ZNRF3: variants seen among roughly 807,000 people sequenced by gnomAD.
ZNRF3 encodes E3 ubiquitin-protein ligase ZNRF3.
ZNRF3 carries 23 observed loss-of-function variants against 72.5 expected under a neutral mutation model. That is an observed-to-expected ratio of 0.32 (90% CI 0.23 to 0.45). The LOEUF (loss-of-function observed/expected upper bound fraction) is 0.45. Among genes scored for constraint, ZNRF3 ranks in the 20% least tolerant of loss-of-function variants. The pLI is 1.00. For missense variants in ZNRF3, 1,169 were observed against 1,272.1 expected (o/e 0.92, Z 1.23); for synonymous variants, 610 against 545.3 (o/e 1.12, Z -1.65).
chr22:29,007,911 C>T (rs1390691784), intron 2 of ZNRF3, among the ~76,000 whole-genome samples: 1 of 151,900 alleles, frequency 6.6e-6, no homozygotes, highest in Non-Finnish European at 1.5e-5. Flanking sequence ...CGTGCACAAC[C>T]ATGCCTGGCT....
intron 2 of ZNRF3, among the ~76,000 whole-genome samples, chr22:29,007,453 A>T (rs935502584): frequency 6.6e-6 from 1 of 151,990 alleles, no homozygotes; most frequent in African/African-American, 2.4e-5. Context: ...CCTGGGAAAC[A>T]TGGCGAGACC....
At chr22:29,052,314 CTT>C (rs2037220966) in intron 8 of ZNRF3, among the ~76,000 whole-genome samples, 1 of 152,244 alleles carries the variant, frequency 6.6e-6, no homozygotes, top group South Asian at 2.1e-4. Flanking sequence ...TTCTATTCCA[CTT>C]GGAACCAGAG....
At position 29,055,486 on chromosome 22, in the gene ZNRF3, G is replaced by A. The variant is rs568854667; in HGVS notation, c.*1864G>A. 1 of 152,324 alleles carries A rather than the reference G, an allele frequency of 6.6e-6. No individual in the cohort carries two copies. Among genetic ancestry groups the A allele is most frequent in the South Asian group, 2.1e-4 (1 of 4,828 alleles). 9.4% of individuals were successfully genotyped at this position (152,324 alleles called of 1,614,324 possible). A position where few individuals can be genotyped will look rare whatever the true frequency, so the allele number is the denominator to read the frequency against. ...AGGAAATTTACTTATCTCTAGCTAG[G>A]ATTTGACAAATTCCAACATCAAATG... On this transcript the variant is annotated 3_prime_UTR_variant, in exon 9 of 9. Transcript: ENST00000544604.
intron 1 of ZNRF3, among the ~76,000 whole-genome samples, chr22:28,966,722 G>A (rs898630092): frequency 2.6e-5 from 4 of 152,008 alleles, no homozygotes; most frequent in Admixed American, 2.6e-4. Flanking sequence ...TCTTATTAGA[G>A]TGTTATTACA....
intron 2 of ZNRF3, among the ~76,000 whole-genome samples, chr22:29,008,275 C>A (rs1197711410): frequency 1.3e-5 from 2 of 152,182 alleles, no homozygotes; most frequent in Non-Finnish European, 2.9e-5. Flanking sequence ...CACAACCACA[C>A]ATTTCAGAGC....
At chr22:28,996,098 A>G (rs1268559667) in intron 2 of ZNRF3, among the ~76,000 whole-genome samples, 1 of 151,564 alleles carries the variant, frequency 6.6e-6, no homozygotes, top group Non-Finnish European at 1.5e-5. Context: ...ATGTAATATT[A>G]TTTTGAAATT....
chr22:28,977,577 T>TA (rs1025366538), intron 1 of ZNRF3, among the ~76,000 whole-genome samples: 1 of 152,206 alleles, frequency 6.6e-6, no homozygotes, highest in Non-Finnish European at 1.5e-5. Context: ...AGCGACACCC[T>TA]ACCCTGGCCG....
At chr22:29,014,564 G>A (rs953685314) in intron 2 of ZNRF3, among the ~76,000 whole-genome samples, 1 of 152,216 alleles carries the variant, frequency 6.6e-6, no homozygotes, top group Non-Finnish European at 1.5e-5. Flanking sequence ...TAGCCTGGAT[G>A]CAGTGAGCTT....
chr22:28,885,351 A>C (rs1345259416), intron 1 of ZNRF3, among the ~76,000 whole-genome samples: 1 of 152,158 alleles, frequency 6.6e-6, no homozygotes, highest in Non-Finnish European at 1.5e-5. Context: ...TCTTATCCCC[A>C]TCCGAAAACT....
At position 29,048,094 on chromosome 22, in the gene ZNRF3, G is replaced by A. The variant is rs1003291570; in HGVS notation, c.913-295G>A. On this transcript the variant is annotated intron_variant, in intron 6 of 8. Transcript: ENST00000544604. The surrounding 1 kb of genome is among the most constrained non-coding windows in gnomAD (Gnocchi z 4.9). ...CAGGAGGACTCGGCCCTCCCTGGGT[G>A]GAGGCATGAGTGTGTTTGCCCTCCT... Among the ~76,000 whole-genome samples the A allele has an allele frequency of 1.3e-5, 2 of 152,158 alleles. No homozygotes were observed. Among genetic ancestry groups the A allele is most frequent in the Non-Finnish European group, 2.9e-5 (2 of 68,028 alleles).
intron 1 of ZNRF3, among the ~76,000 whole-genome samples, chr22:28,966,716 A>G (rs2035469172): frequency 1.3e-5 from 2 of 152,134 alleles, no homozygotes; most frequent in African/African-American, 4.8e-5. Context: ...TGTGTTTCTT[A>G]TTAGAGTGTT....
At chr22:28,994,186 T>C (rs2036007890) in intron 2 of ZNRF3, among the ~76,000 whole-genome samples, 2 of 107,076 alleles carry the variant, frequency 1.9e-5, no homozygotes, top group South Asian at 7.2e-4. Context: ...CTTTTTTTTT[T>C]TTTTTTTTTT....
chr22:28,953,695 A>G (rs2035206441), intron 1 of ZNRF3, among the ~76,000 whole-genome samples: 1 of 152,260 alleles, frequency 6.6e-6, no homozygotes, highest in Admixed American at 6.5e-5. Flanking sequence ...CCAGTTAGGC[A>G]TCAATCATTA....
At position 29,030,524 on chromosome 22, in the gene ZNRF3, G is replaced by A. The variant is rs944952983; in HGVS notation, c.427-11971G>A. Among the ~76,000 whole-genome samples the A allele has an allele frequency of 6.6e-6, 1 of 152,152 alleles. No individual in the cohort carries two copies. The highest frequency in any genetic ancestry group is 2.4e-5 in the African/African-American group (1 of 41,420). ...CTAGGACTTAAAATGCATCATCTTCGTTCCGGAACTCAGAACCTGCAGCCG... is the reference window on the plus strand; with the variant it reads ...CTAGGACTTAAAATGCATCATCTTCATTCCGGAACTCAGAACCTGCAGCCG... On this transcript the variant is annotated intron_variant, in intron 2 of 8. Coordinates refer to ENST00000544604, the MANE Select transcript of ZNRF3 (RefSeq NM_001206998.2). This position sits in a 1 kb window ranked among gnomAD's most constrained non-coding sequence, Gnocchi z 4.2.
chr22:29,025,595 G>C (rs1041218244), intron 2 of ZNRF3: 3 of 147,880 alleles, frequency 2.0e-5, no homozygotes, highest in Non-Finnish European at 3.0e-5. Flanking sequence ...GTCTTGCTCT[G>C]TCACCCAGCC....
chr22:28,937,216 T>TATATATATATATATA (rs1491324971), intron 1 of ZNRF3, among the ~76,000 whole-genome samples: 7 of 2,166 alleles, frequency 3.2e-3, no homozygotes, highest in South Asian at 0.033. Context: ...TATATATATA[T>TATATATATATATATA]TTTTTTTTTT....
intron 1 of ZNRF3, among the ~76,000 whole-genome samples, chr22:28,945,019 A>T (rs569995550): frequency 1.2e-3 from 176 of 151,800 alleles, no homozygotes; most frequent in African/African-American, 4.0e-3. Context: ...GTTTATCCTT[A>T]AAAAAAGTTT....
At chr22:28,948,171 A>T (rs59519868) in intron 1 of ZNRF3, among the ~76,000 whole-genome samples, 2,700 of 150,132 alleles carry the variant, frequency 0.018, 83 homozygotes, top group African/African-American at 0.061. Flanking sequence ...TTAAAAAAAA[A>T]TTTTTTTAAA....
At chr22:29,044,499 A>G (rs924560576) in intron 4 of ZNRF3, among the ~76,000 whole-genome samples, 1 of 152,154 alleles carries the variant, frequency 6.6e-6, no homozygotes, top group African/African-American at 2.4e-5. Flanking sequence ...GTTACAGCCA[A>G]CTTTGCAGTA....
Sources: gnomAD v4.1 joint callset for allele counts (sites outside exome capture counted in the v4.1 genomes callset) on GRCh38, gnomAD v4.1.1 for gene constraint, Gnocchi (gnomAD v3.1) non-coding constraint, MANE v1.5 for transcripts, NCBI Gene and HGNC (gene_info 2026-07-23, HGNC 2026-07-21) for gene names.